Variants in PRELID3A observed in about 807,000 individuals in gnomAD.
PRELID3A encodes PRELI domain containing protein 3A.
In PRELID3A, 27 loss-of-function variants were observed where a neutral mutation model predicts 23.0. The ratio of observed to expected loss-of-function variants is 1.17; its 90% CI spans 0.87 to 1.62. The LOEUF (loss-of-function observed/expected upper bound fraction) is 1.62, where lower values mean the gene tolerates loss of function less well. PRELID3A is among the 40% of genes most tolerant of loss of function. PRELID3A has a pLI of 0.00. For missense variants in PRELID3A, 231 were observed against 231.4 expected (o/e 1.00, Z 0.01); for synonymous variants, 87 against 86.4 (o/e 1.01, Z -0.04).
At chr18:12,429,660 G>T (rs569546589) in intron 6 of PRELID3A, among the ~76,000 whole-genome samples, 1 of 152,188 alleles carries the variant, frequency 6.6e-6, no homozygotes, top group South Asian at 2.1e-4. Flanking sequence ...CTTGAGCTGC[G>T]GCCCTCTGGG....
intron 2 of PRELID3A, 190 bp from the exon 3 acceptor site, chr18:12,421,350 T>C: frequency 1.7e-6 from 1 of 586,660 alleles, no homozygotes; most frequent in Non-Finnish European, 3.0e-6. Flanking sequence ...TGGAATTCAT[T>C]TCTTTGCTCA....
In PRELID3A at chr18:12,423,744, C is replaced by T. The variant is rs117792547; in HGVS notation, c.291+2115C>T. ...AGGGCTGAGGAGCAGGTCATCCAGG[C>T]GGCCATGCGCAAGTACCCGAACCGG... is the stretch of plus-strand genomic sequence containing the variant. On this transcript the variant is annotated intron_variant, in intron 3 of 6. Coordinates refer to ENST00000440960, the MANE Select transcript of PRELID3A (RefSeq NM_001142405.2). Among the ~76,000 whole-genome samples, 165 of 152,274 alleles carry T rather than the reference C, an allele frequency of 1.1e-3. 4 individuals carry two copies. In the East Asian group the frequency reaches 0.029, roughly 27 times the overall value.
chr18:12,429,771 G>A (rs1489194925), intron 6 of PRELID3A, among the ~76,000 whole-genome samples: 2 of 152,244 alleles, frequency 1.3e-5, no homozygotes, highest in African/African-American at 4.8e-5. Context: ...GGCCAGGCCT[G>A]TCCTGACAGG....
intron 6 of PRELID3A, 144 bp downstream of exon 6, chr18:12,429,580 C>G (rs2030499061): frequency 1.7e-6 from 1 of 578,482 alleles, no homozygotes; most frequent in Non-Finnish European, 3.1e-6. Context: ...CACGGTGACA[C>G]AGAATCACTG....
intron 6 of PRELID3A, among the ~76,000 whole-genome samples, chr18:12,430,368 GGT>G (rs58524238): frequency 0.19 from 28,813 of 150,342 alleles, 3,195 homozygotes; most frequent in East Asian, 0.38. Context: ...ATGTGTGTGT[GGT>G]GTGTGTGTGT....
Position 12,420,329 on chromosome 18 carries a change from C to G in PRELID3A, c.37C>G (p.Pro13Ala), listed in dbSNP as rs1176594148. 1 of 1,607,576 alleles carries G rather than the reference C, an allele frequency of 6.2e-7. No individual in the cohort carries two copies. The highest frequency in any genetic ancestry group is 1.7e-5 in the Admixed American group (1 of 59,398). The part of the protein sequence containing the change: ...IWSSEHVFGH[P>A]WDTVIQAAMR... ...CCGCCTATGCTCTCCCCGCAGCCAC[C>G]CGTGGGACACGGTCATCCAGGCGGC... Residue 13 changes from proline (P) to alanine (A), a missense_variant, in exon 2 of 7, where the codon CCG becomes GCG. Coordinates refer to ENST00000440960, the MANE Select transcript of PRELID3A (RefSeq NM_001142405.2).
In PRELID3A at chr18:12,431,758, G is replaced by A. The variant is rs1007115518; in HGVS notation, c.*642G>A. 6.6e-6 allele frequency: 1 copy of A among 152,252 alleles called. No homozygotes were observed. The highest frequency in any genetic ancestry group is 2.4e-5 in the African/African-American group (1 of 41,454). 9.4% of individuals were successfully genotyped at this position (152,252 alleles called of 1,614,324 possible). Reference sequence around the variant, plus strand: ...GCTCCTCATGCGGGGAGAGGGCTGGGGTCCAGGGGTTTCCCGGCCCTTTCT... The same window carrying A: ...GCTCCTCATGCGGGGAGAGGGCTGGAGTCCAGGGGTTTCCCGGCCCTTTCT... On this transcript the variant is annotated 3_prime_UTR_variant, in exon 7 of 7. Transcript: ENST00000440960.
intron 5 of PRELID3A, 40 bp from the exon 6 acceptor site, chr18:12,429,309 CG>C: frequency 6.3e-7 from 1 of 1,587,246 alleles, no homozygotes; most frequent in Non-Finnish European, 8.6e-7. Flanking sequence ...CAGCGGGAGG[CG>C]GGACGACCCA....
At chr18:12,414,698 GTCTCACTCTGCAACAGAGTGAGACT>G (rs2029890454) in intron 1 of PRELID3A, among the ~76,000 whole-genome samples, 1 of 152,060 alleles carries the variant, frequency 6.6e-6, no homozygotes, top group African/African-American at 2.4e-5. Context: ...CTGCATCCCA[GTCTCACTCTGCAACAGAGTGAGACT>G]TGGTCCTCCC....
chr18:12,418,661 C>T (rs1023292999), intron 1 of PRELID3A, among the ~76,000 whole-genome samples: 3 of 152,188 alleles, frequency 2.0e-5, no homozygotes, highest in Non-Finnish European at 4.4e-5. Context: ...GGCTCAGAGG[C>T]TTCCTGGGAG....
chr18:12,424,527 C>T (rs1237039595), intron 3 of PRELID3A, among the ~76,000 whole-genome samples: 2 of 152,178 alleles, frequency 1.3e-5, no homozygotes, highest in Non-Finnish European at 2.9e-5. Context: ...TTAGATAGTT[C>T]TGTTGAATGT....
intron 3 of PRELID3A, among the ~76,000 whole-genome samples, chr18:12,426,541 G>A (rs1471625904): frequency 2.5e-4 from 1 of 3,944 alleles, no homozygotes; most frequent in Non-Finnish European, 9.6e-4. Context: ...GCTACACAGT[G>A]AGACTCCATC....
At chr18:12,409,633 G>A (rs1397452168) in intron 1 of PRELID3A, among the ~76,000 whole-genome samples, 1 of 152,096 alleles carries the variant, frequency 6.6e-6, no homozygotes, top group East Asian at 1.9e-4. Context: ...GCATCACTGA[G>A]CCGTCTGGAT....
At chr18:12,410,010 AC>A (rs1286526451) in intron 1 of PRELID3A, among the ~76,000 whole-genome samples, 1 of 151,536 alleles carries the variant, frequency 6.6e-6, no homozygotes, top group Non-Finnish European at 1.5e-5. Context: ...CCCCATTTTC[AC>A]CCCTGCCCCA....
intron 1 of PRELID3A, among the ~76,000 whole-genome samples, chr18:12,417,842 T>C (rs1349791639): frequency 6.6e-6 from 1 of 152,196 alleles, no homozygotes; most frequent in Non-Finnish European, 1.5e-5. Flanking sequence ...GGCTTCTTCA[T>C]CCCTCTCTTC....
intron 1 of PRELID3A, among the ~76,000 whole-genome samples, chr18:12,418,129 A>G (rs1449590853): frequency 2.0e-5 from 3 of 152,232 alleles, no homozygotes; most frequent in African/African-American, 7.2e-5. Flanking sequence ...TATGGAAGAA[A>G]AAACTTCAGT....
In PRELID3A at chr18:12,427,335, A is replaced by C; in HGVS notation, c.465+12A>C. The C allele has an allele frequency of 7.9e-5, 124 of 1,560,734 alleles. No homozygotes were observed. The highest frequency in any genetic ancestry group is 1.0e-4 in the Non-Finnish European group (115 of 1,132,418). On this transcript the variant is annotated intron_variant, in intron 5 of 6. Transcript: ENST00000440960. ...CCAATGCAAAGAAGGTATGTATCTCAATCCTAGGAGTCCTGTGTGTGCTCT... is the reference window on the plus strand; with the variant it reads ...CCAATGCAAAGAAGGTATGTATCTCCATCCTAGGAGTCCTGTGTGTGCTCT...
intron 6 of PRELID3A, among the ~76,000 whole-genome samples, chr18:12,430,091 G>C (rs567326130): frequency 6.6e-6 from 1 of 152,340 alleles, no homozygotes; most frequent in South Asian, 2.1e-4. Flanking sequence ...TCTGTCCCCC[G>C]TGTGTGTGGG....
chr18:12,430,298 T>C (rs2030526647), intron 6 of PRELID3A, among the ~76,000 whole-genome samples: 1 of 150,908 alleles, frequency 6.6e-6, no homozygotes, highest in Non-Finnish European at 1.5e-5. Context: ...GTGTGGTGAG[T>C]ATCTATGTGT....
Sources: gnomAD v4.1 joint callset for allele counts (sites outside exome capture counted in the v4.1 genomes callset) on GRCh38, gnomAD v4.1.1 for gene constraint, MANE v1.5 for transcripts, NCBI Gene and HGNC (gene_info 2026-07-23, HGNC 2026-07-21) for gene names.